The following NCKAP5 variants were observed in gnomAD, a reference collection of about 807,000 sequenced individuals.
NCKAP5 encodes the protein NCK associated protein 5.
NCKAP5 carries 92 observed loss-of-function variants against 167.0 expected under a neutral mutation model. The observed-to-expected ratio is 0.55, with a 90% CI of 0.47 to 0.66. NCKAP5 has a LOEUF of 0.66. NCKAP5 is among the 30% of genes least tolerant of loss of function. The pLI, the probability that NCKAP5 is intolerant of heterozygous loss-of-function variation, is 0.00. For missense variants in NCKAP5, 2,378 were observed against 2,315.0 expected (o/e 1.03, Z -0.56); for synonymous variants, 891 against 877.4 (o/e 1.02, Z -0.27).
intron 3 of NCKAP5, among the ~76,000 whole-genome samples, chr2:133,507,004 C>T (rs1683067638): frequency 6.6e-6 from 1 of 152,126 alleles, no homozygotes. Context: ...TATCCTGCCT[C>T]AGGGACCTAC....
At chr2:133,332,077 G>A (rs1183908903) in intron 3 of NCKAP5, among the ~76,000 whole-genome samples, 1 of 152,218 alleles carries the variant, frequency 6.6e-6, no homozygotes, top group African/African-American at 2.4e-5. Flanking sequence ...TCTGGGTGAT[G>A]AGAAAAAGTG....
chr2:132,923,812 G>A (rs1426677169), intron 8 of NCKAP5, among the ~76,000 whole-genome samples: 1 of 152,130 alleles, frequency 6.6e-6, no homozygotes, highest in Non-Finnish European at 1.5e-5. Context: ...TAATAAAAAT[G>A]AGAAAGGATT....
chr2:133,405,656 A>C (rs1050356329), intron 3 of NCKAP5, among the ~76,000 whole-genome samples: 21 of 152,384 alleles, frequency 1.4e-4, no homozygotes, highest in African/African-American at 4.3e-4. Flanking sequence ...AGTGAGTAGC[A>C]AATTCATAAA....
At chr2:133,050,633 A>G (rs1018348697) in intron 6 of NCKAP5, among the ~76,000 whole-genome samples, 2 of 152,240 alleles carry the variant, frequency 1.3e-5, no homozygotes, top group Non-Finnish European at 1.5e-5. Flanking sequence ...TTCAGAGCAC[A>G]TTATCAATGC....
chr2:133,379,017 A>G (rs1686341272), intron 3 of NCKAP5, among the ~76,000 whole-genome samples: 1 of 152,212 alleles, frequency 6.6e-6, no homozygotes, highest in Non-Finnish European at 1.5e-5. Flanking sequence ...GGTGCTCTCA[A>G]TATCCAGATA....
intron 5 of NCKAP5, among the ~76,000 whole-genome samples, chr2:133,170,078 T>C (rs1341942276): frequency 6.6e-6 from 1 of 152,184 alleles, no homozygotes; most frequent in Non-Finnish European, 1.5e-5. Flanking sequence ...GCATATTATA[T>C]TTTATAATTC....
intron 6 of NCKAP5, among the ~76,000 whole-genome samples, chr2:133,069,837 G>C (rs879401946): frequency 6.6e-6 from 1 of 151,582 alleles, no homozygotes; most frequent in Non-Finnish European, 1.5e-5. Context: ...TATAATTATA[G>C]ATAATATTTA....
chr2:133,030,244 C>T (rs2078836869), intron 6 of NCKAP5, among the ~76,000 whole-genome samples: 1 of 152,178 alleles, frequency 6.6e-6, no homozygotes, highest in South Asian at 2.1e-4. Flanking sequence ...GGGGCCATCT[C>T]ATGATGAAGT....
intron 8 of NCKAP5, among the ~76,000 whole-genome samples, chr2:132,953,579 C>T (rs1302989549): frequency 5.2e-4 from 79 of 151,750 alleles, no homozygotes; most frequent in Non-Finnish European, 1.2e-4. Flanking sequence ...TTCCAGCATC[C>T]AGCAGGAGGC....
intron 6 of NCKAP5, among the ~76,000 whole-genome samples, chr2:133,012,987 AC>A (rs1438537632): frequency 1.3e-5 from 2 of 152,218 alleles, no homozygotes; most frequent in South Asian, 4.2e-4. Flanking sequence ...GAAATCTGGT[AC>A]TGTCTGCCAG....
intron 3 of NCKAP5, among the ~76,000 whole-genome samples, chr2:133,402,705 C>T (rs1025933681): frequency 2.0e-5 from 3 of 152,154 alleles, no homozygotes; most frequent in East Asian, 1.9e-4. Context: ...CTTTCTCTCT[C>T]ACCAAGTGAC....
At chr2:133,473,318 C>T (rs1047817021) in intron 3 of NCKAP5, among the ~76,000 whole-genome samples, 31 of 150,436 alleles carry the variant, frequency 2.1e-4, no homozygotes, top group African/African-American at 7.5e-4. Flanking sequence ...GGCGACAGAG[C>T]GAGACTCCGT....
At chr2:132,781,270 CCTT>C (rs1683009677) in intron 14 of NCKAP5, 41 bp from the exon 15 acceptor site, 3 of 1,573,542 alleles carry the variant, frequency 1.9e-6, no homozygotes, top group East Asian at 4.5e-5. Flanking sequence ...TTACCTTGCT[CCTT>C]CTTCAATCAC....
intron 6 of NCKAP5, among the ~76,000 whole-genome samples, chr2:132,998,575 T>G (rs1379163392): frequency 6.6e-6 from 1 of 152,198 alleles, no homozygotes; most frequent in Non-Finnish European, 1.5e-5. Context: ...GATAAGAATA[T>G]GCCATTATTT....
chr2:133,205,925 T>C (rs1236523156), intron 5 of NCKAP5, among the ~76,000 whole-genome samples: 1 of 152,184 alleles, frequency 6.6e-6, no homozygotes, highest in Admixed American at 6.5e-5. Flanking sequence ...TATTAATTCA[T>C]TTTATATACA....
At chr2:133,336,470 C>T (rs1683214121) in intron 3 of NCKAP5, among the ~76,000 whole-genome samples, 1 of 152,088 alleles carries the variant, frequency 6.6e-6, no homozygotes, top group Non-Finnish European at 1.5e-5. Context: ...TGCCCTTTGG[C>T]ACAAATGTCT....
At chr2:133,240,440 C>T (rs1003984508) in intron 4 of NCKAP5, among the ~76,000 whole-genome samples, 2 of 152,146 alleles carry the variant, frequency 1.3e-5, no homozygotes, top group Non-Finnish European at 2.9e-5. Flanking sequence ...ACACTTCACC[C>T]TTGCATGCCC....
chr2:133,123,783 T>C (rs1347302786), intron 6 of NCKAP5: 1 of 471,220 alleles, frequency 2.1e-6, no homozygotes, highest in Non-Finnish European at 4.4e-6. Flanking sequence ...TCTCATCTTG[T>C]TACATTTTCC....
At chr2:133,336,694 G>A (rs1422490317) in intron 3 of NCKAP5, among the ~76,000 whole-genome samples, 1 of 152,122 alleles carries the variant, frequency 6.6e-6, no homozygotes, top group African/African-American at 2.4e-5. Flanking sequence ...TTCCAGCTCC[G>A]CTAATAAGAA....
Sources: allele counts gnomAD v4.1 joint callset (sites outside exome capture counted in the v4.1 genomes callset), GRCh38; gene constraint gnomAD v4.1.1; transcripts MANE v1.5; gene names NCBI Gene and HGNC (gene_info 2026-07-23, HGNC 2026-07-21).